Variants in RBMS3 observed in about 807,000 individuals in gnomAD.
RBMS3 encodes the protein RNA-binding motif, single-stranded-interacting protein 3.
RBMS3 carries 27 observed loss-of-function variants against 66.8 expected under a neutral mutation model. That is an observed-to-expected ratio of 0.40 (90% CI 0.30 to 0.56). The LOEUF (loss-of-function observed/expected upper bound fraction) is 0.56. RBMS3 is among the 20% of genes least tolerant of loss of function. The pLI, the probability that RBMS3 is intolerant of heterozygous loss-of-function variation, is 0.40. For synonymous variants in RBMS3, 188 were observed against 183.0 expected (o/e 1.03, Z -0.22); for missense variants, 513 against 549.5 (o/e 0.93, Z 0.66).
intron 3 of RBMS3, among the ~76,000 whole-genome samples, chr3:29,493,869 C>T (rs1015643822): frequency 2.0e-5 from 3 of 152,052 alleles, no homozygotes; most frequent in African/African-American, 4.8e-5. Flanking sequence ...AAAGAAATTA[C>T]AGGATGTGTG....
intron 4 of RBMS3, among the ~76,000 whole-genome samples, chr3:29,620,546 CT>C (rs1468529987): frequency 6.6e-6 from 1 of 152,048 alleles, no homozygotes; most frequent in Non-Finnish European, 1.5e-5. Context: ...GGTCCACTTA[CT>C]GTGTAAATGT....
At chr3:29,901,994 C>A (rs546501212) in intron 10 of RBMS3, among the ~76,000 whole-genome samples, 1 of 151,812 alleles carries the variant, frequency 6.6e-6, no homozygotes, top group East Asian at 1.9e-4. Context: ...TTAAGTCACC[C>A]TATGATACTA....
intron 6 of RBMS3, among the ~76,000 whole-genome samples, chr3:29,802,139 T>C (rs1489085270): frequency 6.6e-6 from 1 of 152,188 alleles, no homozygotes; most frequent in Admixed American, 6.5e-5. Flanking sequence ...ACACTCTTGC[T>C]CTACTGTTAA....
intron 8 of RBMS3, among the ~76,000 whole-genome samples, chr3:29,896,359 A>T (rs995522663): frequency 2.6e-5 from 4 of 151,304 alleles, no homozygotes; most frequent in African/African-American, 9.7e-5. Flanking sequence ...AAGCTCAGTC[A>T]TACTATTAAA....
In RBMS3 at chr3:29,424,258, A is replaced by G. The variant is rs1409993956; in HGVS notation, c.76-10485A>G. 2.6e-5 allele frequency among the ~76,000 whole-genome samples: 4 copies of G among 152,210 alleles called. No homozygotes were observed. In the East Asian group the frequency reaches 7.7e-4, roughly 29 times the overall value. On this transcript the variant is annotated intron_variant, in intron 1 of 14. Coordinates refer to ENST00000383767, the MANE Select transcript of RBMS3 (RefSeq NM_001003793.3). ...AATAGAAAGTAATTACAGGGTGACC[A>G]TACACCCTGATTTGCTTCAGACAAT...
At chr3:29,591,195 C>T (rs1018174867) in intron 4 of RBMS3, among the ~76,000 whole-genome samples, 25 of 152,294 alleles carry the variant, frequency 1.6e-4, no homozygotes, top group Non-Finnish European at 3.4e-4. Flanking sequence ...AGGTGACATG[C>T]ATACATACAT....
chr3:29,546,243 A>G (rs1294599585), intron 3 of RBMS3, among the ~76,000 whole-genome samples: 1 of 151,962 alleles, frequency 6.6e-6, no homozygotes, highest in African/African-American at 2.4e-5. Context: ...TACAAGGTGC[A>G]TTTGCTTATC....
At chr3:29,700,041 T>C (rs907210809) in intron 4 of RBMS3, among the ~76,000 whole-genome samples, 1 of 152,234 alleles carries the variant, frequency 6.6e-6, no homozygotes, top group Non-Finnish European at 1.5e-5. Flanking sequence ...TAGTTATATT[T>C]ATTGAACTCT....
At chr3:29,508,445 T>C (rs779977253) in intron 3 of RBMS3, among the ~76,000 whole-genome samples, 2 of 152,196 alleles carry the variant, frequency 1.3e-5, no homozygotes, top group Non-Finnish European at 2.9e-5. Flanking sequence ...AGTGAGGACA[T>C]GCAGTGTTTG....
intron 2 of RBMS3, among the ~76,000 whole-genome samples, chr3:29,479,266 A>G (rs2043053056): frequency 6.6e-6 from 1 of 151,294 alleles, no homozygotes; most frequent in African/African-American, 2.4e-5. Context: ...GCAGGTGTTC[A>G]GTTAATAGCA....
At chr3:29,692,196 G>T (rs1268083516) in intron 4 of RBMS3, among the ~76,000 whole-genome samples, 2 of 151,668 alleles carry the variant, frequency 1.3e-5, no homozygotes, top group Non-Finnish European at 2.9e-5. Context: ...TGGTCAGTGT[G>T]GTCTCAAACT....
intron 4 of RBMS3, among the ~76,000 whole-genome samples, chr3:29,724,522 A>G (rs2053773897): frequency 6.6e-6 from 1 of 152,126 alleles, no homozygotes; most frequent in African/African-American, 2.4e-5. Context: ...CAGGGCCACC[A>G]TGTCATTACA....
intron 10 of RBMS3, among the ~76,000 whole-genome samples, chr3:29,901,872 T>C (rs1243174831): frequency 6.6e-6 from 1 of 151,826 alleles, no homozygotes; most frequent in African/African-American, 2.4e-5. Context: ...AACAGTATCA[T>C]GGAAACACAG....
intron 2 of RBMS3, among the ~76,000 whole-genome samples, chr3:29,438,764 A>G (rs935899365): frequency 1.3e-5 from 2 of 152,202 alleles, no homozygotes; most frequent in African/African-American, 4.8e-5. Flanking sequence ...TTTACAGATT[A>G]TATCCTGCAT....
chr3:29,751,190 A>G, intron 5 of RBMS3, among the ~76,000 whole-genome samples: 1 of 152,194 alleles, frequency 6.6e-6, no homozygotes, highest in Non-Finnish European at 1.5e-5. Context: ...ATCTTTTACT[A>G]TCTCTTATTA....
At chr3:29,308,679 T>C (rs764489161) in intron 1 of RBMS3, among the ~76,000 whole-genome samples, 7 of 147,370 alleles carry the variant, frequency 4.7e-5, no homozygotes, top group Non-Finnish European at 8.9e-5. Context: ...AGGAATGGTA[T>C]GGCCAAAGGT....
intron 5 of RBMS3, among the ~76,000 whole-genome samples, chr3:29,761,691 TA>T (rs1289065778): frequency 6.6e-6 from 1 of 152,176 alleles, no homozygotes; most frequent in Non-Finnish European, 1.5e-5. Flanking sequence ...TATGGTCCTA[TA>T]ATATGGCCAT....
intron 1 of RBMS3, among the ~76,000 whole-genome samples, chr3:29,324,892 A>G (rs1444624220): frequency 6.8e-6 from 1 of 147,044 alleles, no homozygotes; most frequent in Non-Finnish European, 1.5e-5. Context: ...CCTTTTCCCC[A>G]CTGTTATTTT....
In RBMS3 at chr3:29,585,201, G is replaced by A. The variant is rs145485773; in HGVS notation, c.308-1913G>A. 6.6e-4 allele frequency among the ~76,000 whole-genome samples: 100 copies of A among 152,244 alleles called. 1 individual carries two copies. The highest frequency in any genetic ancestry group is 2.3e-3 in the African/African-American group (96 of 41,558). ...GAACGGATGAGGAAGATTGGCCAACGTGTAAGGTACAAGGTGGTTCCCATG... is the reference window on the plus strand; with the variant it reads ...GAACGGATGAGGAAGATTGGCCAACATGTAAGGTACAAGGTGGTTCCCATG... On this transcript the variant is annotated intron_variant, in intron 3 of 14. Transcript: ENST00000383767.
Sources: gnomAD v4.1 joint callset for allele counts (sites outside exome capture counted in the v4.1 genomes callset) on GRCh38, gnomAD v4.1.1 for gene constraint, MANE v1.5 for transcripts, NCBI Gene and HGNC (gene_info 2026-07-23, HGNC 2026-07-21) for gene names.